SPMIP11: variants seen among roughly 807,000 people sequenced by gnomAD.
The protein encoded by SPMIP11 is long intergenic non-protein coding RNA 935.
chr12:48,761,888 C>CTT, the SPMIP11 span, among the ~76,000 whole-genome samples: 33 of 135,744 alleles, frequency 2.4e-4, no homozygotes, highest in African/African-American at 8.1e-4. Flanking sequence ...ATGCCCAGCT[C>CTT]TTTTTTTTTT....
chr12:48,768,509 C>T, the SPMIP11 span: 2 of 1,604,098 alleles, frequency 1.2e-6, no homozygotes, highest in Non-Finnish European at 1.7e-6. Flanking sequence ...TCAGTGCCCC[C>T]TGCCACAGCT....
At chr12:48,760,378 A>G in the SPMIP11 span, among the ~76,000 whole-genome samples, 7 of 150,648 alleles carry the variant, frequency 4.6e-5, no homozygotes, top group Non-Finnish European at 8.9e-5. Flanking sequence ...GAGTCATGCT[A>G]TGTTGTCCAG....
the SPMIP11 span, among the ~76,000 whole-genome samples, chr12:48,738,264 TTTA>T: frequency 6.6e-6 from 1 of 152,212 alleles, no homozygotes; most frequent in Non-Finnish European, 1.5e-5. Flanking sequence ...ACAGCAAATA[TTTA>T]TTATTTTACT....
the SPMIP11 span, chr12:48,768,839 C>T: frequency 6.5e-7 from 1 of 1,550,314 alleles, no homozygotes; most frequent in Non-Finnish European, 8.8e-7. Flanking sequence ...ATACACAGAA[C>T]ACTAGCCACC....
At chr12:48,744,045 T>G in the SPMIP11 span, among the ~76,000 whole-genome samples, 2 of 149,756 alleles carry the variant, frequency 1.3e-5, no homozygotes, top group Non-Finnish European at 3.0e-5. Context: ...GGTTGGGAAT[T>G]CGAGACCAGC....
At chr12:48,738,048 C>T in the SPMIP11 span, among the ~76,000 whole-genome samples, 1 of 151,750 alleles carries the variant, frequency 6.6e-6, no homozygotes, top group Non-Finnish European at 1.5e-5. Context: ...TGATCTTGAA[C>T]TCCTAAGCTC....
the SPMIP11 span, chr12:48,768,678 G>A: frequency 6.2e-7 from 1 of 1,614,164 alleles, no homozygotes; most frequent in Non-Finnish European, 8.5e-7. Flanking sequence ...CCAGCTGGTA[G>A]CCCTTGGCAG....
At chr12:48,744,918 G>A in the SPMIP11 span, among the ~76,000 whole-genome samples, 4 of 151,968 alleles carry the variant, frequency 2.6e-5, no homozygotes, top group African/African-American at 9.7e-5. Flanking sequence ...TACAAAAGAG[G>A]AAGCCATAGA....
At chr12:48,752,496 G>A in the SPMIP11 span, among the ~76,000 whole-genome samples, 2 of 151,802 alleles carry the variant, frequency 1.3e-5, no homozygotes, top group Non-Finnish European at 2.9e-5. Context: ...TCTAATACTG[G>A]TTGCTCCTGC....
At chr12:48,733,852 C>A in the SPMIP11 span, among the ~76,000 whole-genome samples, 318 of 141,828 alleles carry the variant, frequency 2.2e-3, 2 homozygotes, top group African/African-American at 7.7e-3. Context: ...CTCACTGCAA[C>A]CTCCACCTCC....
the SPMIP11 span, among the ~76,000 whole-genome samples, chr12:48,757,299 A>T: frequency 1.5e-4 from 23 of 152,134 alleles, no homozygotes; most frequent in Non-Finnish European, 7.4e-5. Context: ...TCCCTTGCTC[A>T]GGAGTCTGAG....
the SPMIP11 span, among the ~76,000 whole-genome samples, chr12:48,753,833 G>A: frequency 1.3e-5 from 2 of 151,638 alleles, no homozygotes; most frequent in African/African-American, 4.8e-5. Context: ...CTCCGGAGTA[G>A]CTGGGACTAC....
At chr12:48,748,235 C>A in the SPMIP11 span, among the ~76,000 whole-genome samples, 2 of 152,122 alleles carry the variant, frequency 1.3e-5, no homozygotes, top group African/African-American at 2.4e-5. Flanking sequence ...GGAGCCCATC[C>A]CTTCTCATCT....
chr12:48,769,589 C>CTT, the SPMIP11 span, among the ~76,000 whole-genome samples: 4 of 138,844 alleles, frequency 2.9e-5, no homozygotes, highest in Admixed American at 7.3e-5. Flanking sequence ...CCTTTCTTTT[C>CTT]TTTTTTTTTT....
the SPMIP11 span, among the ~76,000 whole-genome samples, chr12:48,770,146 T>C: frequency 6.7e-6 from 1 of 148,828 alleles, no homozygotes; most frequent in African/African-American, 2.5e-5. Flanking sequence ...CCTCATGATC[T>C]GCCCACCTCG....
the SPMIP11 span, among the ~76,000 whole-genome samples, chr12:48,745,532 G>A: frequency 3.5e-4 from 53 of 152,258 alleles, no homozygotes; most frequent in Middle Eastern, 3.4e-3. Flanking sequence ...CTTGAACTCA[G>A]GAGGCGGATA....
the SPMIP11 span, among the ~76,000 whole-genome samples, chr12:48,762,149 C>T: frequency 7.0e-6 from 1 of 143,168 alleles, no homozygotes; most frequent in African/African-American, 2.6e-5. Context: ...AGCTCTGCCT[C>T]CCGGGTTCAT....
the SPMIP11 span, chr12:48,771,193 G>A: frequency 1.7e-6 from 1 of 580,772 alleles, no homozygotes; most frequent in Non-Finnish European, 3.1e-6. The surrounding 1 kb of genome is among the most constrained non-coding windows in gnomAD (Gnocchi z 4.3). Flanking sequence ...CCCTCCAGTA[G>A]CTCACTCACA....
At chr12:48,728,618 G>A in the SPMIP11 span, among the ~76,000 whole-genome samples, 1 of 147,618 alleles carries the variant, frequency 6.8e-6, no homozygotes, top group Admixed American at 7.0e-5. Context: ...TGAGGCAGGA[G>A]AATGGTGTGA....
Sources: gnomAD v4.1 joint callset for allele counts (sites outside exome capture counted in the v4.1 genomes callset) on GRCh38, gnomAD v4.1.1 for gene constraint, Gnocchi (gnomAD v3.1) non-coding constraint, MANE v1.5 for transcripts, NCBI Gene and HGNC (gene_info 2026-07-23, HGNC 2026-07-21) for gene names.